The following DGKB variants were observed in gnomAD, a reference collection of about 807,000 sequenced individuals.
DGKB encodes the protein 90 kDa diacylglycerol kinase.
DGKB carries 67 observed loss-of-function variants against 114.3 expected under a neutral mutation model. The observed-to-expected ratio is 0.59, with a 90% CI of 0.48 to 0.72. The LOEUF is 0.72. Ranked by LOEUF, DGKB falls within the 30% of genes least tolerant of loss-of-function variation. The pLI is 0.00. For missense variants in DGKB, 907 were observed against 975.2 expected (o/e 0.93, Z 0.93); for synonymous variants, 398 against 323.1 (o/e 1.23, Z -2.49).
intron 3 of DGKB, among the ~76,000 whole-genome samples, chr7:14,755,660 G>T (rs114592978): frequency 1.9e-3 from 285 of 152,118 alleles, no homozygotes; most frequent in African/African-American, 6.8e-3. Flanking sequence ...ATTGGATGAG[G>T]TCATGTATTG....
At chr7:14,210,318 A>G (rs1370811756) in intron 23 of DGKB, among the ~76,000 whole-genome samples, 1 of 152,118 alleles carries the variant, frequency 6.6e-6, no homozygotes, top group Non-Finnish European at 1.5e-5. Flanking sequence ...AAAGGCAAAC[A>G]GGAATTCATT....
intron 25 of DGKB, among the ~76,000 whole-genome samples, chr7:14,174,897 A>G (rs1187642779): frequency 1.3e-5 from 2 of 152,254 alleles, no homozygotes; most frequent in Non-Finnish European, 2.9e-5. Flanking sequence ...GAAAAGATGT[A>G]TGTGTACACA....
chr7:14,596,605 T>G (rs1001446316), intron 17 of DGKB, among the ~76,000 whole-genome samples: 1 of 152,208 alleles, frequency 6.6e-6, no homozygotes, highest in African/African-American at 2.4e-5. Context: ...TAATTGGACC[T>G]CATCCTCTTT....
chr7:14,456,249 C>A (rs775047361), intron 21 of DGKB, among the ~76,000 whole-genome samples: 4 of 151,806 alleles, frequency 2.6e-5, no homozygotes, highest in Non-Finnish European at 5.9e-5. Context: ...ATGGAAATAT[C>A]CCAAAATATA....
At chr7:14,542,658 C>G (rs1430444917) in intron 20 of DGKB, among the ~76,000 whole-genome samples, 1 of 152,154 alleles carries the variant, frequency 6.6e-6, no homozygotes, top group African/African-American at 2.4e-5. Context: ...AATATTTCTG[C>G]TTTCCAGGGG....
intron 4 of DGKB, among the ~76,000 whole-genome samples, chr7:14,747,779 GCACACA>G (rs11276008): frequency 6.7e-6 from 1 of 148,502 alleles, no homozygotes; most frequent in African/African-American, 2.5e-5. Flanking sequence ...CCACGCGCAC[GCACACA>G]CACACACACA....
At chr7:14,780,587 CTGTATTTTAGTTTGCA>C (rs1419785181) in intron 2 of DGKB, among the ~76,000 whole-genome samples, 1 of 152,002 alleles carries the variant, frequency 6.6e-6, no homozygotes, top group African/African-American at 2.4e-5. Context: ...TCAACCCATG[CTGTATTTTAGTTTGCA>C]TAGCATTTTG....
At chr7:14,718,819 T>G in intron 5 of DGKB, 134 bp from the exon 6 acceptor site, 1 of 655,096 alleles carries the variant, frequency 1.5e-6, no homozygotes, top group Non-Finnish European at 2.6e-6. Context: ...CCAAATTCTC[T>G]GTAAGATCGG....
intron 20 of DGKB, among the ~76,000 whole-genome samples, chr7:14,480,690 A>G (rs1297711746): frequency 6.6e-6 from 1 of 152,134 alleles, no homozygotes; most frequent in Non-Finnish European, 1.5e-5. Flanking sequence ...AGAAGGCACA[A>G]ACTCTGAATT....
intron 20 of DGKB, among the ~76,000 whole-genome samples, chr7:14,489,413 A>G (rs953052878): frequency 6.6e-6 from 1 of 152,194 alleles, no homozygotes; most frequent in African/African-American, 2.4e-5. Flanking sequence ...TATTATTTTC[A>G]ATAATCAAGA....
intron 6 of DGKB, among the ~76,000 whole-genome samples, chr7:14,716,012 T>G (rs1298220348): frequency 6.6e-6 from 1 of 152,134 alleles, no homozygotes; most frequent in Non-Finnish European, 1.5e-5. Context: ...CTGAATAGAT[T>G]TTAAAAATAT....
At chr7:14,521,140 G>A (rs1789702989) in intron 20 of DGKB, among the ~76,000 whole-genome samples, 1 of 152,016 alleles carries the variant, frequency 6.6e-6, no homozygotes, top group Non-Finnish European at 1.5e-5. Context: ...TCTGTGTGTT[G>A]TATGTAATAT....
rs1202395974 is a variant in DGKB at position 14,364,778 on chromosome 7, A to G, written c.1836-19387T>C. ...GGCTGACTTTTTATTTCCAATAACC[A>G]TCTGCACTCATGGTAAATCAGGTGC... is the stretch of plus-strand genomic sequence containing the variant. On this transcript the variant is annotated intron_variant, in intron 21 of 25. Transcript: ENST00000402815. Among the ~76,000 whole-genome samples, 14 of 152,008 alleles carry G rather than the reference A, an allele frequency of 9.2e-5. 1 individual carries two copies. The highest frequency in any genetic ancestry group is 9.2e-4 in the Admixed American group (14 of 15,206).
chr7:14,523,483 C>G (rs993223117), intron 20 of DGKB, among the ~76,000 whole-genome samples: 2 of 152,134 alleles, frequency 1.3e-5, no homozygotes, highest in African/African-American at 4.8e-5. Context: ...GTTCAGTCAA[C>G]AGCCTACAGT....
chr7:14,593,820 T>TA (rs11434742), intron 17 of DGKB, among the ~76,000 whole-genome samples: 72,096 of 146,082 alleles, frequency 0.49, 17,788 homozygotes, highest in African/African-American at 0.52. Flanking sequence ...ATGGTCCAGT[T>TA]AAAAAAAGAA....
intron 1 of DGKB, among the ~76,000 whole-genome samples, chr7:14,880,068 G>C (rs1853982740): frequency 6.6e-6 from 1 of 152,146 alleles, no homozygotes; most frequent in Non-Finnish European, 1.5e-5. Context: ...AAGGATCAAA[G>C]TGGTAATTTC....
intron 2 of DGKB, among the ~76,000 whole-genome samples, chr7:14,778,732 T>C (rs1420862336): frequency 6.6e-6 from 1 of 152,232 alleles, no homozygotes; most frequent in African/African-American, 2.4e-5. Context: ...CTTGTAACCT[T>C]GACCCTTATA....
intron 1 of DGKB, among the ~76,000 whole-genome samples, chr7:14,951,543 T>C (rs1786200475): frequency 6.6e-6 from 1 of 151,976 alleles, no homozygotes; most frequent in Non-Finnish European, 1.5e-5. Flanking sequence ...CAGGAAGTTG[T>C]TAGGGCAGTA....
intron 2 of DGKB, among the ~76,000 whole-genome samples, chr7:14,777,694 A>G (rs1338103735): frequency 6.6e-6 from 1 of 152,182 alleles, no homozygotes; most frequent in Non-Finnish European, 1.5e-5. Context: ...TTTATAAATT[A>G]CACAGTCTCA....
Sources: allele counts gnomAD v4.1 joint callset (sites outside exome capture counted in the v4.1 genomes callset), GRCh38; gene constraint gnomAD v4.1.1; transcripts MANE v1.5; gene names NCBI Gene and HGNC (gene_info 2026-07-23, HGNC 2026-07-21).